The following RHOA variants were observed in gnomAD, a reference collection of about 807,000 sequenced individuals.
The protein encoded by RHOA is ras homolog family member A.
A neutral mutation model predicts 17.5 loss-of-function variants in RHOA; 3 were observed. The ratio of observed to expected loss-of-function variants is 0.17; its 90% CI spans 0.08 to 0.44. The LOEUF (loss-of-function observed/expected upper bound fraction) is 0.44. RHOA is among the 20% of genes least tolerant of loss of function. The probability of loss-of-function intolerance (pLI) is 0.99; values close to 1 mark genes in which losing one functional copy is unlikely to be tolerated. For missense variants in RHOA, 56 were observed against 242.3 expected (o/e 0.23, Z 5.10); for synonymous variants, 98 against 88.4 (o/e 1.11, Z -0.61).
chr3:49,379,143 T>C (rs1426326392), intron 1 of RHOA, among the ~76,000 whole-genome samples: 1 of 152,032 alleles, frequency 6.6e-6, no homozygotes, highest in African/African-American at 2.4e-5. Flanking sequence ...AGAACCCAAA[T>C]ATCCAACAAC....
chr3:49,362,409 G>A (rs2047987060), intron 4 of RHOA, 87 bp downstream of exon 4: 2 of 1,429,570 alleles, frequency 1.4e-6, no homozygotes, highest in South Asian at 1.6e-5. Context: ...AACCTGGCCT[G>A]TGAAGGTTCC....
chr3:49,362,776 A>G (rs1186278473), intron 3 of RHOA, 150 bp from the exon 4 acceptor site: 1 of 651,756 alleles, frequency 1.5e-6, no homozygotes, highest in African/African-American at 1.8e-5. Context: ...AAAACCATAA[A>G]AAGGAAATAT....
rs2047914717 is a variant in RHOA, at chr3:49,359,236, G to A, written c.*973C>T. 2 of 192,242 alleles carry A rather than the reference G, an allele frequency of 1.0e-5. No homozygotes were observed. Among genetic ancestry groups the A allele is most frequent in the Non-Finnish European group, 2.2e-5 (2 of 91,752 alleles). 11.9% of individuals were successfully genotyped at this position (192,242 alleles called of 1,614,324 possible). A position where few individuals can be genotyped will look rare whatever the true frequency, so the allele number is the denominator to read the frequency against. On this transcript the variant is annotated 3_prime_UTR_variant, in exon 5 of 5. Transcript: ENST00000418115. ...CAGCTGGAGAGAAGAGAGACTGAGT[G>A]CCACCCATGAGAACTGGTGGCTCCT...
chr3:49,388,139 T>C (rs905593431), intron 1 of RHOA, among the ~76,000 whole-genome samples: 1 of 152,036 alleles, frequency 6.6e-6, no homozygotes, highest in Non-Finnish European at 1.5e-5. Context: ...CCCGAGTAGC[T>C]GGGACTATAG....
chr3:49,391,853 C>T (rs1428168267), intron 1 of RHOA, among the ~76,000 whole-genome samples: 1 of 114,036 alleles, frequency 8.8e-6, no homozygotes, highest in Non-Finnish European at 1.7e-5. Context: ...TTTGAGACAG[C>T]GTTTCGATCT....
intron 4 of RHOA, among the ~76,000 whole-genome samples, chr3:49,362,193 AAG>A (rs1491071056): frequency 6.6e-6 from 1 of 152,224 alleles, no homozygotes; most frequent in Non-Finnish European, 1.5e-5. Context: ...TATCAAAAAA[AAG>A]AAAGTTCCTA....
chr3:49,406,856 C>T (rs1234877510), intron 1 of RHOA: 1 of 152,046 alleles, frequency 6.6e-6, no homozygotes, highest in African/African-American at 2.4e-5. Context: ...ATTTTAAAAA[C>T]AAATCCTTAG....
rs189328347 is a variant in RHOA, at chr3:49,398,435, A to G, written c.-3+13385T>C. ...AGACAGAACAAGAAATGGAGAATAC[A>G]TAAAAGGGGGTAATTACAGTGATAA... On this transcript the variant is annotated intron_variant, in intron 1 of 4. Coordinates refer to ENST00000418115, the MANE Select transcript of RHOA (RefSeq NM_001664.4). Among the ~76,000 whole-genome samples the G allele has an allele frequency of 2.8e-3, 419 of 152,204 alleles. 4 individuals are homozygous for G. The highest frequency in any genetic ancestry group is 9.4e-3 in the African/African-American group (389 of 41,534).
At chr3:49,402,470 T>TA (rs1300429917) in intron 1 of RHOA, among the ~76,000 whole-genome samples, 1 of 152,148 alleles carries the variant, frequency 6.6e-6, no homozygotes, top group Admixed American at 6.6e-5. Flanking sequence ...GCTCAGGAGT[T>TA]AGAGACCAGC....
In RHOA at chr3:49,360,267, G is replaced by A. The variant is rs879223346; in HGVS notation, c.524C>T (p.Thr175Met). 2 of 1,613,966 alleles carry A rather than the reference G, an allele frequency of 1.2e-6. No homozygotes were observed. The highest frequency in any genetic ancestry group is 1.7e-6 in the Non-Finnish European group (2 of 1,180,004). ...ACGTCTAGCTTGCAGAGCAGCTCTC[G>A]TAGCCATTTCAAAAACCTCTCTCAC... ...DGVREVFEMA[T>M]RAALQARRGK... is the part of the protein sequence containing the mutation. The change falls in exon 5 of 5, where the codon ACG (threonine) becomes ATG (methionine). Residue 175 changes from threonine (T) to methionine (M), a missense_variant. This residue lies in a region of RHOA where 39 missense variants were observed against 86.0 expected (regional missense o/e 0.45). Coordinates refer to ENST00000418115, the MANE Select transcript of RHOA (RefSeq NM_001664.4).
chr3:49,363,919 T>C (rs575913076), intron 3 of RHOA, among the ~76,000 whole-genome samples: 46 of 152,200 alleles, frequency 3.0e-4, no homozygotes, highest in African/African-American at 9.6e-4. Context: ...CAGTGGTACA[T>C]GTGCCTGCAT....
chr3:49,397,919 G>T lies in RHOA; in HGVS notation c.-3+13901C>A, dbSNP rs147494934. ...GTGCTATATTATCCTAAAAGCAGGAGAATAAACGGACTAAGGAATCTTAGC... is the reference window on the plus strand; with the variant it reads ...GTGCTATATTATCCTAAAAGCAGGATAATAAACGGACTAAGGAATCTTAGC... On this transcript the variant is annotated intron_variant, in intron 1 of 4. Transcript: ENST00000418115. 1.6e-3 allele frequency among the ~76,000 whole-genome samples: 239 copies of T among 152,302 alleles called. 2 individuals carry two copies. The highest frequency in any genetic ancestry group is 5.2e-3 in the African/African-American group (217 of 41,568).
chr3:49,375,029 G>A (rs1454168089), intron 2 of RHOA, among the ~76,000 whole-genome samples: 1 of 151,956 alleles, frequency 6.6e-6, no homozygotes, highest in African/African-American at 2.4e-5. Flanking sequence ...CCAGCACTTT[G>A]GGAGGCTGAG....
At chr3:49,385,467 C>T (rs1169721604) in intron 1 of RHOA, among the ~76,000 whole-genome samples, 2 of 152,050 alleles carry the variant, frequency 1.3e-5, no homozygotes, top group African/African-American at 4.8e-5. Flanking sequence ...CCACTTGCCT[C>T]GGCCTCCCAA....
In RHOA at chr3:49,360,226, C is replaced by T; in HGVS notation, c.565G>A (p.Gly189Arg). The T allele has an allele frequency of 6.2e-7, 1 of 1,613,196 alleles. No homozygotes were observed. Among genetic ancestry groups the T allele is most frequent in the Non-Finnish European group, 8.5e-7 (1 of 1,179,782 alleles). Residue 189 changes from glycine to arginine, a missense_variant, in exon 5 of 5, where the codon GGG becomes AGG. Around this residue, in one of 2 missense-constraint regions of RHOA, gnomAD observed 39 missense variants for 86.0 expected, o/e 0.45. Coordinates refer to ENST00000418115, the MANE Select transcript of RHOA (RefSeq NM_001664.4). The stretch of plus-strand genomic sequence containing the variant: ...GCAAGGTTTCACAAGACAAGGCACC[C>T]AGATTTTTTCTTCCCACGTCTAGCT... ...LQARRGKKKS[G>R]CLVL
intron 1 of RHOA, among the ~76,000 whole-genome samples, chr3:49,376,254 T>C (rs951762441): frequency 2.0e-5 from 3 of 152,162 alleles, no homozygotes; most frequent in African/African-American, 7.2e-5. Context: ...ACTATCTCAA[T>C]TCACACATGA....
intron 2 of RHOA, among the ~76,000 whole-genome samples, chr3:49,374,843 G>A (rs991072453): frequency 6.6e-6 from 1 of 152,116 alleles, no homozygotes; most frequent in African/African-American, 2.4e-5. Flanking sequence ...AATCACCTGC[G>A]GTCAGGAGTT....
chr3:49,361,094 A>C (rs1241237988), intron 4 of RHOA: 1 of 176,100 alleles, frequency 5.7e-6, no homozygotes, highest in African/African-American at 2.4e-5. Context: ...AACAAAAAAA[A>C]AAAACAACAA....
At chr3:49,389,983 A>C (rs2107876637) in intron 1 of RHOA, among the ~76,000 whole-genome samples, 1 of 150,746 alleles carries the variant, frequency 6.6e-6, no homozygotes, top group Middle Eastern at 3.4e-3. Flanking sequence ...GTAAGACTTG[A>C]TTAGTAGGCC....
Sources: allele counts gnomAD v4.1 joint callset (sites outside exome capture counted in the v4.1 genomes callset), GRCh38; gene constraint gnomAD v4.1.1; regional missense constraint gnomAD v4.1.1; transcripts MANE v1.5; gene names NCBI Gene and HGNC (gene_info 2026-07-23, HGNC 2026-07-21).